VSTM4: variants seen among roughly 807,000 people sequenced by gnomAD.
VSTM4 encodes V-set and transmembrane domain containing 4.
VSTM4 carries 20 observed loss-of-function variants against 36.4 expected under a neutral mutation model. The ratio of observed to expected loss-of-function variants is 0.55; its 90% CI spans 0.39 to 0.80. The LOEUF (loss-of-function observed/expected upper bound fraction) is 0.80, where lower values mean the gene tolerates loss of function less well. VSTM4 is among the 30% of genes least tolerant of loss of function. VSTM4 has a pLI of 0.00. For missense variants in VSTM4, 392 were observed against 404.5 expected, an observed-to-expected ratio of 0.97 and a Z score of 0.26; for synonymous variants, 182 against 173.9, an observed-to-expected ratio of 1.05 and a Z score of -0.37.
intron 7 of VSTM4, among the ~76,000 whole-genome samples, chr10:49,044,528 AAAAGAAAG>A (rs374618905): frequency 1.9e-5 from 2 of 102,916 alleles, no homozygotes; most frequent in Middle Eastern, 4.1e-3. Flanking sequence ...GAAAGAAAGA[AAAAGAAAG>A]AAAGAAAGGA....
chr10:49,092,651 G>A (rs1170790503), intron 2 of VSTM4, among the ~76,000 whole-genome samples: 1 of 152,268 alleles, frequency 6.6e-6, no homozygotes, highest in African/African-American at 2.4e-5. Flanking sequence ...CCACCTCCAC[G>A]GACCTAGGTG....
Position 49,024,231 on chromosome 10 carries a change from G to A in VSTM4, c.838-4456C>T, listed in dbSNP as rs1843223414. ...TGTATTCAGCTGCTTGGTATTTTGT[G>A]TGTCTCAAATCCCTTGTTTCATGGA... On this transcript the variant is annotated intron_variant, in intron 7 of 7. Coordinates refer to ENST00000332853, the MANE Select transcript of VSTM4 (RefSeq NM_001031746.5). 2.0e-5 allele frequency among the ~76,000 whole-genome samples: 3 copies of A among 152,116 alleles called. No homozygotes were observed. In the South Asian group the frequency reaches 6.2e-4, roughly 32 times the overall value.
intron 7 of VSTM4, among the ~76,000 whole-genome samples, chr10:49,031,291 A>T (rs536901604): frequency 2.6e-4 from 40 of 152,270 alleles, no homozygotes; most frequent in African/African-American, 8.7e-4. Flanking sequence ...GAGGTACTTC[A>T]CCTCTTTATT....
At chr10:49,031,677 C>T (rs1449730890) in intron 7 of VSTM4, among the ~76,000 whole-genome samples, 1 of 152,280 alleles carries the variant, frequency 6.6e-6, no homozygotes, top group Non-Finnish European at 1.5e-5. Flanking sequence ...TAAGTCAAAC[C>T]ATGCCACTCA....
chr10:49,110,203 C>G (rs1307058439), intron 1 of VSTM4, among the ~76,000 whole-genome samples: 1 of 152,208 alleles, frequency 6.6e-6, no homozygotes, highest in Admixed American at 6.5e-5. Flanking sequence ...GAGAGTGCAG[C>G]CGGGACCCCA....
At chr10:49,061,735 A>G (rs1053213393) in intron 5 of VSTM4, among the ~76,000 whole-genome samples, 2 of 152,064 alleles carry the variant, frequency 1.3e-5, no homozygotes, top group Non-Finnish European at 2.9e-5. Flanking sequence ...ATCTTTTTCC[A>G]TCCTTTTACT....
chr10:49,059,916 T>G lies in VSTM4; in HGVS notation c.668+4787A>C, dbSNP rs137955022. Among the ~76,000 whole-genome samples, 130 of 152,330 alleles carry G rather than the reference T, an allele frequency of 8.5e-4. 1 individual carries two copies. The highest frequency in any genetic ancestry group is 3.4e-3 in the Middle Eastern group (1 of 294). On this transcript the variant is annotated intron_variant, in intron 5 of 7. Coordinates refer to ENST00000332853, the MANE Select transcript of VSTM4 (RefSeq NM_001031746.5). Reference sequence around the variant, plus strand: ...GGAAACCACTAATCCCCTTTCTGTCTCCATAAATGTACCTTTTCTAGGCAT... The same window carrying G: ...GGAAACCACTAATCCCCTTTCTGTCGCCATAAATGTACCTTTTCTAGGCAT...
At chr10:49,098,276 A>C (rs1456244193) in intron 2 of VSTM4, among the ~76,000 whole-genome samples, 1 of 152,170 alleles carries the variant, frequency 6.6e-6, no homozygotes, top group Non-Finnish European at 1.5e-5. Context: ...ACTCCACTTC[A>C]TCACGTCTCA....
At chr10:49,073,094 T>C (rs1844110863) in intron 4 of VSTM4, among the ~76,000 whole-genome samples, 1 of 152,218 alleles carries the variant, frequency 6.6e-6, no homozygotes, top group Admixed American at 6.5e-5. Flanking sequence ...ATCCTTTCTG[T>C]CCTATCATAT....
intron 3 of VSTM4, among the ~76,000 whole-genome samples, chr10:49,078,777 A>G (rs1844225682): frequency 6.6e-6 from 1 of 152,200 alleles, no homozygotes; most frequent in Admixed American, 6.5e-5. Flanking sequence ...GCAAAATGCT[A>G]TCATTGGGAG....
chr10:49,047,252 G>A lies in VSTM4; in HGVS notation c.776-208C>T, dbSNP rs540573535. Among the ~76,000 whole-genome samples the A allele has an allele frequency of 7.9e-5, 12 of 152,210 alleles. No individual in the cohort carries two copies. The South Asian group carries it at 2.1e-3, about 26-fold the overall frequency. On this transcript the variant is annotated intron_variant, in intron 6 of 7. Coordinates refer to ENST00000332853, the MANE Select transcript of VSTM4 (RefSeq NM_001031746.5). ...AACGTTTTGTCGTCTCCCTCAGCAA[G>A]GTCAACAAAACAACTCTGCATAAAA...
intron 4 of VSTM4, among the ~76,000 whole-genome samples, chr10:49,070,963 T>C (rs1218695711): frequency 6.6e-6 from 1 of 152,238 alleles, no homozygotes; most frequent in African/African-American, 2.4e-5. Flanking sequence ...CACCCGAGTC[T>C]GGCTGTGGGT....
chr10:49,064,835 A>G (rs749842667), intron 4 of VSTM4, 99 bp from the exon 5 acceptor site: 28 of 1,328,248 alleles, frequency 2.1e-5, no homozygotes, highest in Non-Finnish European at 2.7e-5. Flanking sequence ...GGTGTTGTTC[A>G]GGTATTGGTG....
intron 2 of VSTM4, among the ~76,000 whole-genome samples, chr10:49,096,815 C>T (rs976926302): frequency 2.6e-5 from 4 of 151,918 alleles, no homozygotes; most frequent in Admixed American, 6.6e-5. Flanking sequence ...CCACCATGCC[C>T]GGCTAATTTT....
intron 7 of VSTM4, among the ~76,000 whole-genome samples, chr10:49,045,047 G>T (rs1341347227): frequency 6.6e-6 from 1 of 152,090 alleles, no homozygotes; most frequent in Admixed American, 6.6e-5. Context: ...CTGTTCCTTT[G>T]TCTACTTGTC....
intron 7 of VSTM4, among the ~76,000 whole-genome samples, chr10:49,040,995 C>T (rs1487793324): frequency 6.6e-6 from 1 of 152,090 alleles, no homozygotes; most frequent in Non-Finnish European, 1.5e-5. Context: ...TACCAGGTCC[C>T]CCAAAATAAG....
rs1195528186 is a variant in VSTM4 at position 49,015,750 on chromosome 10, G to A, written c.*3900C>T. 6.6e-6 allele frequency: 1 copy of A among 152,224 alleles called. No homozygotes were observed. The highest frequency in any genetic ancestry group is 1.5e-5 in the Non-Finnish European group (1 of 68,050). 9.4% of individuals were successfully genotyped at this position (152,224 alleles called of 1,614,324 possible). ...GCAGTTTCCTGGATCAGGGATACTG[G>A]AAAGATGTCATGTTCCACATGGACA... is the stretch of plus-strand genomic sequence containing the variant. On this transcript the variant is annotated 3_prime_UTR_variant, in exon 8 of 8. Coordinates refer to ENST00000332853, the MANE Select transcript of VSTM4 (RefSeq NM_001031746.5).
intron 4 of VSTM4, among the ~76,000 whole-genome samples, chr10:49,075,829 C>T (rs376972279): frequency 6.6e-6 from 1 of 152,260 alleles, no homozygotes; most frequent in African/African-American, 2.4e-5. Flanking sequence ...GACCCCCTGG[C>T]TTCTGGTGGG....
intron 3 of VSTM4, among the ~76,000 whole-genome samples, chr10:49,083,679 G>A (rs1844320502): frequency 6.6e-6 from 1 of 152,206 alleles, no homozygotes; most frequent in Admixed American, 6.5e-5. Flanking sequence ...TAGGTCGGGA[G>A]TAACCCTGAC....
Sources: allele counts gnomAD v4.1 joint callset (sites outside exome capture counted in the v4.1 genomes callset), GRCh38; gene constraint gnomAD v4.1.1; transcripts MANE v1.5; gene names NCBI Gene and HGNC (gene_info 2026-07-23, HGNC 2026-07-21).